FOXP2: variants seen among roughly 807,000 people sequenced by gnomAD.
The protein encoded by FOXP2 is forkhead box protein P2.
A neutral mutation model predicts 115.8 loss-of-function variants in FOXP2; 12 were observed. The ratio of observed to expected loss-of-function variants is 0.10; its 90% CI spans 0.07 to 0.17. FOXP2 has a LOEUF of 0.17. Among genes scored for constraint, FOXP2 ranks in the 10% least tolerant of loss-of-function variants. FOXP2 has a pLI of 1.00. For synonymous variants in FOXP2, 328 were observed against 297.7 expected, an observed-to-expected ratio of 1.10 and a Z score of -1.05; for missense variants, 629 against 843.5, an observed-to-expected ratio of 0.75 and a Z score of 3.15.
chr7:114,587,018 T>C (rs1164223740), intron 3 of FOXP2, among the ~76,000 whole-genome samples: 4 of 151,928 alleles, frequency 2.6e-5, no homozygotes, highest in Admixed American at 2.0e-4. Context: ...CTGAGTTTAG[T>C]AGGTATTCAT....
intron 1 of FOXP2, among the ~76,000 whole-genome samples, chr7:114,134,595 CCCAG>C (rs1434845156): frequency 1.3e-5 from 2 of 150,376 alleles, no homozygotes; most frequent in African/African-American, 4.9e-5. Flanking sequence ...CGCCTGTAGT[CCCAG>C]CTACTTGGGA....
intron 16 of FOXP2, among the ~76,000 whole-genome samples, chr7:114,680,591 A>T (rs1471684448): frequency 6.6e-6 from 1 of 152,122 alleles, no homozygotes; most frequent in African/African-American, 2.4e-5. Context: ...CACTGGAAAG[A>T]CTATACCCCT....
At chr7:114,257,715 AG>A (rs2129170748) in intron 1 of FOXP2, among the ~76,000 whole-genome samples, 1 of 152,094 alleles carries the variant, frequency 6.6e-6, no homozygotes, top group South Asian at 2.1e-4. Flanking sequence ...GGCCTCCCAA[AG>A]TGCTTGGATT....
chr7:114,258,771 C>G (rs1305491134), intron 1 of FOXP2, among the ~76,000 whole-genome samples: 1 of 152,070 alleles, frequency 6.6e-6, no homozygotes, highest in African/African-American at 2.4e-5. Context: ...ACATCAGAAA[C>G]ATTAAGTAGT....
At chr7:114,538,097 C>A (rs141054045) in intron 3 of FOXP2, among the ~76,000 whole-genome samples, 39 of 151,712 alleles carry the variant, frequency 2.6e-4, no homozygotes, top group Admixed American at 7.9e-4. Flanking sequence ...AATACTTAAT[C>A]CTTTCAATTT....
At chr7:114,513,341 T>G (rs1398863113) in intron 2 of FOXP2, among the ~76,000 whole-genome samples, 2 of 152,160 alleles carry the variant, frequency 1.3e-5, no homozygotes, top group African/African-American at 4.8e-5. Flanking sequence ...TTATGATTAA[T>G]AACTAGTAAT....
At chr7:114,267,378 CTTATT>C (rs1795919375) in intron 1 of FOXP2, among the ~76,000 whole-genome samples, 1 of 152,056 alleles carries the variant, frequency 6.6e-6, no homozygotes, top group Non-Finnish European at 1.5e-5. Flanking sequence ...CTAAAAATAT[CTTATT>C]TTTAGATATT....
upstream of FOXP2, among the ~76,000 whole-genome samples, chr7:114,412,705 G>A (rs1259416168): frequency 6.6e-6 from 1 of 152,120 alleles, no homozygotes; most frequent in Non-Finnish European, 1.5e-5. Context: ...GTGTGAAACT[G>A]TTGCCTACAG....
chr7:114,367,745 G>A (rs902366967), intron 2 of FOXP2, among the ~76,000 whole-genome samples: 6 of 151,918 alleles, frequency 3.9e-5, no homozygotes, highest in Non-Finnish European at 8.8e-5. Flanking sequence ...TTGATATTTC[G>A]TTTCTCTAAA....
chr7:114,493,130 T>C (rs1022918703), intron 2 of FOXP2, among the ~76,000 whole-genome samples: 1 of 152,220 alleles, frequency 6.6e-6, no homozygotes, highest in African/African-American at 2.4e-5. Context: ...CAGTTAGCTC[T>C]TCTTGTTGAA....
At chr7:114,356,136 G>C (rs561403954) in intron 2 of FOXP2, among the ~76,000 whole-genome samples, 48 of 152,206 alleles carry the variant, frequency 3.2e-4, no homozygotes, top group African/African-American at 1.1e-3. Context: ...ATAAAAACTA[G>C]CCTTGTTGTT....
chr7:114,129,762 C>T (rs1791820672), intron 1 of FOXP2, among the ~76,000 whole-genome samples: 1 of 152,132 alleles, frequency 6.6e-6, no homozygotes, highest in African/African-American at 2.4e-5. Flanking sequence ...CTTTATATAC[C>T]TTCACTGTTC....
intron 16 of FOXP2, among the ~76,000 whole-genome samples, chr7:114,682,982 G>C (rs541236936): frequency 7.2e-5 from 11 of 152,102 alleles, no homozygotes; most frequent in African/African-American, 2.4e-4. Context: ...ATATTATATT[G>C]ATGGCAAATA....
rs146152388 is a variant in FOXP2 at position 114,355,620 on chromosome 7, T to C, written c.-11+67511T>C. ...TGAAACATGTTACAGAGCTGCTTCT[T>C]ATCTGTAGCAAGTCATTTATGTAGT... On this transcript the variant is annotated intron_variant, in intron 2 of 17. Transcript: ENST00000634411. 1.1e-4 allele frequency among the ~76,000 whole-genome samples: 17 copies of C among 152,256 alleles called. 1 individual carries two copies. In the East Asian group the frequency reaches 3.3e-3, roughly 29 times the overall value.
At chr7:114,594,289 G>T (rs930877613) in intron 3 of FOXP2, among the ~76,000 whole-genome samples, 2 of 151,944 alleles carry the variant, frequency 1.3e-5, no homozygotes, top group Non-Finnish European at 2.9e-5. Flanking sequence ...GTCCTGTGGG[G>T]CTAATGAGAG....
chr7:114,234,827 C>T (rs1440299133), intron 1 of FOXP2, among the ~76,000 whole-genome samples: 6 of 152,054 alleles, frequency 3.9e-5, no homozygotes. Context: ...TTTCTCTTGT[C>T]GTAGATCATA....
Position 114,353,287 on chromosome 7 carries a change from C to T in FOXP2, c.-11+65178C>T, listed in dbSNP as rs183192172. Among the ~76,000 whole-genome samples, 266 of 150,134 alleles carry T rather than the reference C, an allele frequency of 1.8e-3. 1 individual carries two copies. Among genetic ancestry groups the T allele is most frequent in the African/African-American group, 6.2e-3 (254 of 40,924 alleles). On this transcript the variant is annotated intron_variant, in intron 2 of 17. Transcript: ENST00000634411. ...CCTTTTTTTCCACAAACTTTTCCTCCGATAGCCCCCTCTTCTGTTGTCATT... is the reference window on the plus strand; with the variant it reads ...CCTTTTTTTCCACAAACTTTTCCTCTGATAGCCCCCTCTTCTGTTGTCATT...
intron 2 of FOXP2, among the ~76,000 whole-genome samples, chr7:114,319,116 C>A (rs1283420838): frequency 1.6e-5 from 2 of 123,032 alleles, no homozygotes; most frequent in African/African-American, 3.1e-5. Flanking sequence ...CATTTTTAAC[C>A]TGGTGAATGG....
At chr7:114,284,259 G>A (rs1466166103) in intron 1 of FOXP2, among the ~76,000 whole-genome samples, 3 of 149,142 alleles carry the variant, frequency 2.0e-5, no homozygotes, top group African/African-American at 7.5e-5. Context: ...TATATACCCT[G>A]TCTCTCAGCA....
Sources: allele counts gnomAD v4.1 joint callset (sites outside exome capture counted in the v4.1 genomes callset), GRCh38; gene constraint gnomAD v4.1.1; transcripts MANE v1.5; gene names NCBI Gene and HGNC (gene_info 2026-07-23, HGNC 2026-07-21).